The following NXPH1 variants were observed in gnomAD, a reference collection of about 807,000 sequenced individuals.
The protein encoded by NXPH1 is neurexophilin 1.
Under a neutral mutation model 23.7 loss-of-function variants are expected in NXPH1, and 5 were observed. The ratio of observed to expected loss-of-function variants is 0.21; its 90% CI spans 0.11 to 0.44. The LOEUF (loss-of-function observed/expected upper bound fraction) is 0.44. NXPH1 is among the 20% of genes least tolerant of loss of function. The probability of loss-of-function intolerance (pLI) is 0.99; values close to 1 mark genes in which losing one functional copy is unlikely to be tolerated. For missense variants in NXPH1, 324 were observed against 321.6 expected (o/e 1.01, Z -0.06); for synonymous variants, 144 against 122.2 (o/e 1.18, Z -1.18).
chr7:8,539,459 T>C (rs1046786988), intron 2 of NXPH1, among the ~76,000 whole-genome samples: 2 of 151,798 alleles, frequency 1.3e-5, no homozygotes, highest in African/African-American at 2.4e-5. Flanking sequence ...AAAGTGATAA[T>C]ACATACTATC....
At position 8,693,969 on chromosome 7, in the gene NXPH1, T is replaced by C. The variant is rs546705765; in HGVS notation, c.55-57039T>C. On this transcript the variant is annotated intron_variant, in intron 2 of 2. Transcript: ENST00000405863. ...ACTTATGTAATCATCCAATGTATAA[T>C]TTAAAATATATATCTTTTAATTTTA... is the stretch of plus-strand genomic sequence containing the variant. 7.2e-5 allele frequency among the ~76,000 whole-genome samples: 11 copies of C among 152,326 alleles called. 1 individual carries two copies. The South Asian group carries it at 2.1e-3, about 29-fold the overall frequency.
At chr7:8,502,985 C>G (rs1180010153) in intron 2 of NXPH1, among the ~76,000 whole-genome samples, 2 of 151,910 alleles carry the variant, frequency 1.3e-5, no homozygotes, top group Non-Finnish European at 1.5e-5. Flanking sequence ...CTGGAAAGAC[C>G]ACATATTGCA....
intron 2 of NXPH1, among the ~76,000 whole-genome samples, chr7:8,713,926 C>T (rs576198059): frequency 3.9e-4 from 59 of 152,328 alleles, no homozygotes; most frequent in African/African-American, 1.4e-3. Context: ...GAAGCCAGCA[C>T]AGCACTGAGT....
chr7:8,705,970 C>T (rs1176414858), intron 2 of NXPH1, among the ~76,000 whole-genome samples: 1 of 152,176 alleles, frequency 6.6e-6, no homozygotes, highest in East Asian at 1.9e-4. Context: ...AAAGCCTCTG[C>T]AGCTAGTAAC....
At chr7:8,704,057 A>G (rs1018721757) in intron 2 of NXPH1, among the ~76,000 whole-genome samples, 2 of 152,174 alleles carry the variant, frequency 1.3e-5, no homozygotes, top group Non-Finnish European at 2.9e-5. Context: ...GTTTTAGACT[A>G]AGGAGGAGAT....
chr7:8,537,995 C>T (rs1199937491), intron 2 of NXPH1, among the ~76,000 whole-genome samples: 1 of 151,798 alleles, frequency 6.6e-6, no homozygotes. Flanking sequence ...AGTAAGGCTA[C>T]CAATGATAGT....
intron 2 of NXPH1, among the ~76,000 whole-genome samples, chr7:8,565,153 A>G (rs1818518345): frequency 6.6e-6 from 1 of 151,732 alleles, no homozygotes; most frequent in Admixed American, 6.6e-5. Context: ...CGTAGTTTTC[A>G]GGGTCATTCT....
intron 2 of NXPH1, among the ~76,000 whole-genome samples, chr7:8,480,947 A>ATC (rs1817063256): frequency 6.6e-6 from 1 of 152,170 alleles, no homozygotes; most frequent in Admixed American, 6.5e-5. Flanking sequence ...GACTCTTTTT[A>ATC]TCTTCCAGAC....
intron 2 of NXPH1, among the ~76,000 whole-genome samples, chr7:8,444,465 A>G (rs534408406): frequency 6.6e-6 from 1 of 152,260 alleles, no homozygotes; most frequent in African/African-American, 2.4e-5. Context: ...TGAACTGCCC[A>G]GGGTCTTGCC....
intron 2 of NXPH1, among the ~76,000 whole-genome samples, chr7:8,452,271 A>C (rs1172809782): frequency 6.6e-6 from 1 of 152,202 alleles, no homozygotes; most frequent in East Asian, 1.9e-4. Flanking sequence ...ACCGAATCCA[A>C]GTTTTCTATG....
chr7:8,630,455 A>G (rs1820103494), intron 2 of NXPH1, among the ~76,000 whole-genome samples: 1 of 152,280 alleles, frequency 6.6e-6, no homozygotes, highest in South Asian at 2.1e-4. Context: ...AGTGCTCCCC[A>G]TGCTGACCAA....
In NXPH1 at chr7:8,735,731, C is replaced by T. The variant is rs192561837; in HGVS notation, c.55-15277C>T. ...GGAATGGTACCAGCTTCTCTTTGTA[C>T]CTCGGTAGAATGCTACTGTGAATTC... On this transcript the variant is annotated intron_variant, in intron 2 of 2. Coordinates refer to ENST00000405863, the MANE Select transcript of NXPH1 (RefSeq NM_152745.3). 2.4e-3 allele frequency among the ~76,000 whole-genome samples: 367 copies of T among 152,232 alleles called. 10 individuals carry two copies. Among genetic ancestry groups the T allele is most frequent in the Admixed American group, 0.023 (354 of 15,288 alleles).
At chr7:8,527,003 C>T (rs1817872039) in intron 2 of NXPH1, among the ~76,000 whole-genome samples, 1 of 152,044 alleles carries the variant, frequency 6.6e-6, no homozygotes, top group African/African-American at 2.4e-5. Context: ...TAATATCTCA[C>T]CAGAAATTCT....
At chr7:8,585,414 G>A (rs971277357) in intron 2 of NXPH1, among the ~76,000 whole-genome samples, 20 of 150,990 alleles carry the variant, frequency 1.3e-4, no homozygotes, top group Admixed American at 6.6e-5. Context: ...TTACTATAAC[G>A]TAATTCTTAG....
At chr7:8,696,509 G>T (rs12702768) in intron 2 of NXPH1, among the ~76,000 whole-genome samples, 23,656 of 152,180 alleles carry the variant, frequency 0.16, 2,299 homozygotes, top group Middle Eastern at 0.33. Context: ...GGATCCCATA[G>T]GTTGAGAAAG....
chr7:8,598,993 G>A (rs904810130), intron 2 of NXPH1, among the ~76,000 whole-genome samples: 2 of 152,116 alleles, frequency 1.3e-5, no homozygotes, highest in African/African-American at 2.4e-5. Flanking sequence ...ATAAGGCATT[G>A]TGCTAAATTT....
chr7:8,712,894 G>C (rs1267964524), intron 2 of NXPH1, among the ~76,000 whole-genome samples: 1 of 152,008 alleles, frequency 6.6e-6, no homozygotes, highest in Non-Finnish European at 1.5e-5. Flanking sequence ...ATGCATTGAG[G>C]TAGTCTTCTT....
intron 2 of NXPH1, among the ~76,000 whole-genome samples, chr7:8,557,481 T>C (rs976284433): frequency 6.6e-6 from 1 of 151,640 alleles, no homozygotes; most frequent in African/African-American, 2.4e-5. Flanking sequence ...TTTGCAATCC[T>C]TTTAATCTTG....
intron 2 of NXPH1, among the ~76,000 whole-genome samples, chr7:8,596,254 G>A (rs1160005869): frequency 6.6e-6 from 1 of 152,010 alleles, no homozygotes; most frequent in East Asian, 1.9e-4. Context: ...AATTGCCTGG[G>A]AAAATTCTGT....
Sources: gnomAD v4.1 joint callset for allele counts (sites outside exome capture counted in the v4.1 genomes callset) on GRCh38, gnomAD v4.1.1 for gene constraint, MANE v1.5 for transcripts, NCBI Gene and HGNC (gene_info 2026-07-23, HGNC 2026-07-21) for gene names.